Variants in NRG2 observed in about 807,000 individuals in gnomAD.
The protein encoded by NRG2 is neuregulin 2.
Under a neutral mutation model 73.9 loss-of-function variants are expected in NRG2, and 27 were observed. That is an observed-to-expected ratio of 0.37 (90% CI 0.27 to 0.50). The LOEUF (loss-of-function observed/expected upper bound fraction) is 0.50, where lower values mean the gene tolerates loss of function less well. Among genes scored for constraint, NRG2 ranks in the 20% least tolerant of loss-of-function variants. The pLI is 0.96. For synonymous variants in NRG2, 532 were observed against 541.0 expected, an observed-to-expected ratio of 0.98 and a Z score of 0.23; for missense variants, 1,126 against 1,210.1, an observed-to-expected ratio of 0.93 and a Z score of 1.03.
chr5:139,950,135 T>C (rs545047462), intron 1 of NRG2, among the ~76,000 whole-genome samples: 54 of 152,332 alleles, frequency 3.5e-4, no homozygotes, highest in Non-Finnish European at 5.4e-4. Flanking sequence ...AGAGCAGCCT[T>C]TGAACCAAGC....
Position 139,887,407 on chromosome 5 carries a change from G to C in NRG2, c.805C>G (p.Arg269Gly), listed in dbSNP as rs1463764623. The stretch of plus-strand genomic sequence containing the variant: ...AGCTCCTTGCCATCCTTGAACCAAC[G>C]GTAGGAAGGCTGGGGATTACCGGCT... ...AAAGNPQPSY[R>G]WFKDGKELNR... Residue 269 changes from arginine to glycine, a missense_variant, in exon 2 of 10, where the codon CGT (arginine) becomes GGT (glycine). Transcript: ENST00000361474. This position sits in a 1 kb window ranked among gnomAD's most constrained non-coding sequence, Gnocchi z 4.5. The C allele has an allele frequency of 2.5e-6, 4 of 1,614,100 alleles. No homozygotes were observed.
rs777446203 is a variant in NRG2, at chr5:139,865,071, T to C, written c.1189+478A>G. On this transcript the variant is annotated intron_variant, in intron 5 of 9. Transcript: ENST00000361474. This position sits in a 1 kb window ranked among gnomAD's most constrained non-coding sequence, Gnocchi z 5.2. The stretch of plus-strand genomic sequence containing the variant: ...GCCCCATCCCTCCCCAGGGGGAGAC[T>C]GTCAGTCACCAGGGAAGAGAAGAAA... 1.3e-6 allele frequency: 2 copies of C among 1,540,280 alleles called. No homozygotes were observed. The highest frequency in any genetic ancestry group is 1.1e-5 in the South Asian group (1 of 89,476).
At chr5:139,857,523 G>A (rs189627132) in intron 5 of NRG2, among the ~76,000 whole-genome samples, 115 of 152,052 alleles carry the variant, frequency 7.6e-4, no homozygotes, top group African/African-American at 2.7e-3. Context: ...TCTCAGTGTC[G>A]TTTTTATTTC....
intron 1 of NRG2, among the ~76,000 whole-genome samples, chr5:140,015,001 C>G (rs12515886): frequency 0.6 from 90,942 of 151,962 alleles, 27,529 homozygotes; most frequent in South Asian, 0.77. Flanking sequence ...AGAACTCCCT[C>G]TGCCTGAAAT....
At chr5:139,848,760 TG>T (rs1761209536) in intron 9 of NRG2, 63 bp from the exon 10 acceptor site, 2 of 44,170 alleles carry the variant, frequency 4.5e-5, no homozygotes, top group Non-Finnish European at 3.9e-5. Flanking sequence ...GAGGGGGGGT[TG>T]GGGGTGGGGT....
chr5:139,899,492 C>A (rs1048108054), intron 1 of NRG2, among the ~76,000 whole-genome samples: 1 of 152,188 alleles, frequency 6.6e-6, no homozygotes, highest in African/African-American at 2.4e-5. Flanking sequence ...GGACTCTAGA[C>A]CTCTAGCTTG....
intron 1 of NRG2, among the ~76,000 whole-genome samples, chr5:140,028,961 G>A (rs1376028659): frequency 6.6e-6 from 1 of 152,122 alleles, no homozygotes; most frequent in African/African-American, 2.4e-5. Context: ...CCTCAGACCC[G>A]GCTACACTCC....
chr5:139,969,827 T>C (rs761235864), intron 1 of NRG2, among the ~76,000 whole-genome samples: 6 of 152,252 alleles, frequency 3.9e-5, no homozygotes, highest in Admixed American at 2.0e-4. Context: ...AAACACTATG[T>C]GCCTTTCCCG....
At position 139,990,011 on chromosome 5, in the gene NRG2, A is replaced by G. The variant is rs369681600; in HGVS notation, c.700+52359T>C. On this transcript the variant is annotated intron_variant, in intron 1 of 9. Transcript: ENST00000361474. The stretch of plus-strand genomic sequence containing the variant: ...CACCATGTTAGCCAGGATGGTCTTG[A>G]TCTCCTGACCTTGTGATCCGCCCAC... 1.6e-4 allele frequency among the ~76,000 whole-genome samples: 24 copies of G among 151,364 alleles called. No homozygotes were observed. In the East Asian group the frequency reaches 4.7e-3, roughly 29 times the overall value.
At chr5:139,972,703 G>T (rs1326312936) in intron 1 of NRG2, among the ~76,000 whole-genome samples, 1 of 152,164 alleles carries the variant, frequency 6.6e-6, no homozygotes, top group African/African-American at 2.4e-5. Context: ...CAGCCTGGGT[G>T]ACAGAGCGAG....
intron 1 of NRG2, among the ~76,000 whole-genome samples, chr5:139,976,191 CT>C (rs1756372460): frequency 6.6e-6 from 1 of 152,276 alleles, no homozygotes; most frequent in Admixed American, 6.5e-5. Context: ...GACAATCCTG[CT>C]TTGGAATTCC....
chr5:139,850,923 C>A (rs1761374180), intron 9 of NRG2, among the ~76,000 whole-genome samples: 2 of 152,104 alleles, frequency 1.3e-5, no homozygotes, highest in Admixed American at 1.3e-4. Flanking sequence ...TCCTTCTGTT[C>A]CTGCTGGGAC....
chr5:139,876,894 T>C (rs1009663532), intron 3 of NRG2, among the ~76,000 whole-genome samples: 1 of 151,174 alleles, frequency 6.6e-6, no homozygotes, highest in Non-Finnish European at 1.5e-5. Context: ...GAATAAGCGC[T>C]TCTGAATGCG....
At chr5:139,861,277 G>A (rs534182561) in intron 5 of NRG2, among the ~76,000 whole-genome samples, 1 of 152,312 alleles carries the variant, frequency 6.6e-6, no homozygotes, top group Non-Finnish European at 1.5e-5. Context: ...CTAGATCCAG[G>A]GAAGGTGTGA....
At chr5:140,036,107 C>G (rs2126702848) in intron 1 of NRG2, among the ~76,000 whole-genome samples, 1 of 152,308 alleles carries the variant, frequency 6.6e-6, no homozygotes. Context: ...TGTCAGGCCT[C>G]TGTCCCAGAG....
intron 1 of NRG2, among the ~76,000 whole-genome samples, chr5:139,988,325 T>C (rs887625286): frequency 6.6e-6 from 1 of 152,040 alleles, no homozygotes; most frequent in East Asian, 1.9e-4. Context: ...GTTGAAAACT[T>C]ACGTCCATAC....
intron 1 of NRG2, among the ~76,000 whole-genome samples, chr5:140,030,230 A>G (rs1295934340): frequency 6.6e-6 from 1 of 152,162 alleles, no homozygotes; most frequent in Non-Finnish European, 1.5e-5. Context: ...AAAAATATAT[A>G]TGGTTCATGA....
chr5:139,968,885 G>A (rs566577586), intron 1 of NRG2, among the ~76,000 whole-genome samples: 7 of 152,210 alleles, frequency 4.6e-5, no homozygotes, highest in Non-Finnish European at 8.8e-5. Flanking sequence ...AGGAGGAGAG[G>A]GCACTCCGAG....
chr5:139,943,618 T>C (rs1399160388), intron 1 of NRG2, among the ~76,000 whole-genome samples: 2 of 152,260 alleles, frequency 1.3e-5, no homozygotes, highest in African/African-American at 4.8e-5. Flanking sequence ...AATGCCATTG[T>C]GTAATAAAGC....
Sources: gnomAD v4.1 joint callset for allele counts (sites outside exome capture counted in the v4.1 genomes callset) on GRCh38, gnomAD v4.1.1 for gene constraint, Gnocchi (gnomAD v3.1) non-coding constraint, MANE v1.5 for transcripts, NCBI Gene and HGNC (gene_info 2026-07-23, HGNC 2026-07-21) for gene names.